Variants in PIBF1 observed in about 807,000 individuals in gnomAD.
The protein encoded by PIBF1 is progesterone immunomodulatory binding factor 1.
PIBF1 carries 90 observed loss-of-function variants against 112.5 expected under a neutral mutation model. That is an observed-to-expected ratio of 0.80 (90% CI 0.67 to 0.95). The LOEUF (loss-of-function observed/expected upper bound fraction) is 0.95, where lower values mean the gene tolerates loss of function less well. Among genes scored for constraint, PIBF1 ranks in the 40% least tolerant of loss-of-function variants. The probability of loss-of-function intolerance (pLI) is 0.00; values close to 1 mark genes in which losing one functional copy is unlikely to be tolerated. For synonymous variants in PIBF1, 301 were observed against 288.6 expected (o/e 1.04, Z -0.44); for missense variants, 915 against 852.3 (o/e 1.07, Z -0.92).
intron 13 of PIBF1, among the ~76,000 whole-genome samples, chr13:72,926,378 A>G (rs950814667): frequency 6.6e-6 from 1 of 152,240 alleles, no homozygotes; most frequent in African/African-American, 2.4e-5. Context: ...ATGAAAACTT[A>G]AGATAATTTA....
At chr13:72,879,209 T>C (rs1385466425) in intron 10 of PIBF1, among the ~76,000 whole-genome samples, 1 of 152,132 alleles carries the variant, frequency 6.6e-6, no homozygotes, top group Non-Finnish European at 1.5e-5. Flanking sequence ...ATTGGCATTA[T>C]GTTGTTGGGC....
chr13:72,945,657 T>G (rs1244735129), intron 14 of PIBF1, among the ~76,000 whole-genome samples: 3 of 152,128 alleles, frequency 2.0e-5, no homozygotes, highest in Admixed American at 1.3e-4. Flanking sequence ...AAACTGTTTT[T>G]TAAAACAAAG....
At position 72,835,278 on chromosome 13, in the gene PIBF1, A is replaced by C. The variant is rs147863910; in HGVS notation, c.1133A>C (p.His378Pro). ...HYKTEYENKL[H>P]DELEQIRLKT... ...AAAACAGAATATGAAAATAAACTAC[A>C]TGATGAACTAGAACAAATCAGATTG... Residue 378 changes from histidine (H) to proline (P), a missense_variant, in exon 9 of 18, where the codon CAT becomes CCT. Coordinates refer to ENST00000326291, the MANE Select transcript of PIBF1 (RefSeq NM_006346.4). 2.5e-6 allele frequency: 4 copies of C among 1,585,206 alleles called. No homozygotes were observed. Among genetic ancestry groups the C allele is most frequent in the Non-Finnish European group, 3.4e-6 (4 of 1,167,640 alleles).
intron 14 of PIBF1, among the ~76,000 whole-genome samples, chr13:72,931,777 C>T (rs1209138508): frequency 7.7e-6 from 1 of 130,510 alleles, no homozygotes; most frequent in African/African-American, 2.8e-5. Context: ...TAATCATCTT[C>T]TGATGTCAAG....
At chr13:72,793,540 A>G (rs914333395) in intron 3 of PIBF1, among the ~76,000 whole-genome samples, 2 of 152,214 alleles carry the variant, frequency 1.3e-5, no homozygotes, top group Non-Finnish European at 2.9e-5. Context: ...TGGTCCAGAA[A>G]CAATACTTTG....
At chr13:72,805,364 G>A (rs867110848) in intron 5 of PIBF1, among the ~76,000 whole-genome samples, 5 of 152,080 alleles carry the variant, frequency 3.3e-5, no homozygotes, top group South Asian at 2.1e-4. Flanking sequence ...GGATGGTCTC[G>A]ATCTCCTGAC....
intron 14 of PIBF1, among the ~76,000 whole-genome samples, chr13:72,963,128 GCTAA>G (rs1172808056): frequency 5.3e-5 from 8 of 152,122 alleles, no homozygotes; most frequent in Non-Finnish European, 8.8e-5. Flanking sequence ...ATATTCAAAA[GCTAA>G]CTCAGACTGG....
At chr13:72,993,618 C>T (rs1245046264) in intron 16 of PIBF1, among the ~76,000 whole-genome samples, 2 of 150,754 alleles carry the variant, frequency 1.3e-5, no homozygotes, top group African/African-American at 4.9e-5. Context: ...TGGTGACGGG[C>T]GCCTGTAGTC....
At chr13:73,013,347 GAAGA>G (rs1195805818) in intron 17 of PIBF1, among the ~76,000 whole-genome samples, 2 of 147,786 alleles carry the variant, frequency 1.4e-5, no homozygotes, top group Non-Finnish European at 3.0e-5. Flanking sequence ...GAAGGAGATG[GAAGA>G]AAGAAAGGAA....
At chr13:72,917,304 AAAACACTAAT>A (rs2041137071) in intron 13 of PIBF1, 138 bp downstream of exon 13, 1 of 420,344 alleles carries the variant, frequency 2.4e-6, no homozygotes, top group Admixed American at 4.3e-5. Flanking sequence ...CTCACAAAAT[AAAACACTAAT>A]AATCATGTAT....
intron 13 of PIBF1, 89 bp downstream of exon 13, chr13:72,917,255 C>A: frequency 1.5e-6 from 1 of 652,396 alleles, no homozygotes; most frequent in Non-Finnish European, 2.5e-6. Context: ...AGTTCAGTGA[C>A]AAAGTCCTTT....
chr13:72,837,212 A>G (rs1451537612), intron 9 of PIBF1, among the ~76,000 whole-genome samples: 1 of 152,080 alleles, frequency 6.6e-6, no homozygotes, highest in Admixed American at 6.5e-5. Flanking sequence ...AAATGTTTTG[A>G]CATATTAATT....
At chr13:72,966,438 A>C (rs2042739791) in intron 15 of PIBF1, among the ~76,000 whole-genome samples, 1 of 152,182 alleles carries the variant, frequency 6.6e-6, no homozygotes, top group Admixed American at 6.5e-5. Flanking sequence ...TTAATTTTAA[A>C]GTTAAAAATT....
At chr13:72,877,396 A>T (rs1161769808) in intron 10 of PIBF1, among the ~76,000 whole-genome samples, 1 of 152,230 alleles carries the variant, frequency 6.6e-6, no homozygotes, top group African/African-American at 2.4e-5. Context: ...CTGGCCTCAT[A>T]TAATAAATTA....
chr13:72,974,780 A>G (rs2042979125), intron 16 of PIBF1, among the ~76,000 whole-genome samples: 1 of 152,230 alleles, frequency 6.6e-6, no homozygotes, highest in African/African-American at 2.4e-5. Flanking sequence ...ACATTTTAAT[A>G]TAAACAAAAG....
intron 17 of PIBF1, among the ~76,000 whole-genome samples, chr13:73,012,706 G>C (rs1018801265): frequency 6.6e-6 from 1 of 151,966 alleles, no homozygotes; most frequent in African/African-American, 2.4e-5. Flanking sequence ...AGTGAGCCAT[G>C]ATCATGCCAC....
intron 10 of PIBF1, among the ~76,000 whole-genome samples, chr13:72,879,880 A>G (rs1018248004): frequency 2.6e-4 from 40 of 152,252 alleles, no homozygotes; most frequent in Non-Finnish European, 5.9e-5. Flanking sequence ...TTTTATTGGA[A>G]CACAAACTCA....
chr13:72,925,165 G>T (rs2041437315), intron 13 of PIBF1, among the ~76,000 whole-genome samples: 1 of 152,168 alleles, frequency 6.6e-6, no homozygotes, highest in Non-Finnish European at 1.5e-5. Context: ...AAGTGAGTGG[G>T]AACAGGATAT....
chr13:72,834,940 TGC>T (rs2037289376), intron 8 of PIBF1, among the ~76,000 whole-genome samples: 1 of 152,298 alleles, frequency 6.6e-6, no homozygotes, highest in African/African-American at 2.4e-5. Flanking sequence ...CTCAACCATA[TGC>T]ATTAAAACTA....
Sources: gnomAD v4.1 joint callset for allele counts (sites outside exome capture counted in the v4.1 genomes callset) on GRCh38, gnomAD v4.1.1 for gene constraint, MANE v1.5 for transcripts, NCBI Gene and HGNC (gene_info 2026-07-23, HGNC 2026-07-21) for gene names.